Variants in CEP164 observed in about 807,000 individuals in gnomAD.
The protein encoded by CEP164 is centrosomal protein of 164 kDa.
In CEP164, 162 loss-of-function variants were observed where a neutral mutation model predicts 182.7. That is an observed-to-expected ratio of 0.89 (90% CI 0.78 to 1.01). The LOEUF (loss-of-function observed/expected upper bound fraction) is 1.01. Ranked by LOEUF, CEP164 falls within the 50% of genes least tolerant of loss-of-function variation. The probability of loss-of-function intolerance (pLI) is 0.00; values close to 1 mark genes in which losing one functional copy is unlikely to be tolerated. For missense variants in CEP164, 1,735 were observed against 1,790.4 expected (o/e 0.97, Z 0.56); for synonymous variants, 661 against 690.0 (o/e 0.96, Z 0.66).
Position 117,394,812 on chromosome 11 carries a change from C to T in CEP164, c.2761-108C>T. On this transcript the variant is annotated intron_variant, in intron 21 of 32. Coordinates refer to ENST00000278935, the MANE Select transcript of CEP164 (RefSeq NM_014956.5). This position sits in a 1 kb window ranked among gnomAD's most constrained non-coding sequence, Gnocchi z 4.0. ...GGGGCACACAGCGAGGAAGCCTGAG[C>T]CCAGAGTGGAGGTTGTGGTGTGGCA... The T allele has an allele frequency of 8.8e-7, 1 of 1,137,930 alleles. No individual in the cohort carries two copies. Among genetic ancestry groups the T allele is most frequent in the Non-Finnish European group, 1.3e-6 (1 of 768,596 alleles). 70.5% of individuals were successfully genotyped at this position (1,137,930 alleles called of 1,614,324 possible).
intron 11 of CEP164, among the ~76,000 whole-genome samples, chr11:117,378,767 C>A (rs1408847685): frequency 6.6e-6 from 1 of 152,166 alleles, no homozygotes; most frequent in Non-Finnish European, 1.5e-5. Flanking sequence ...CCGAGGATCC[C>A]CTTTTCTCTG....
intron 13 of CEP164, 103 bp downstream of exon 13, chr11:117,381,971 C>A: frequency 2.1e-5 from 8 of 387,224 alleles, no homozygotes; most frequent in Non-Finnish European, 2.0e-5. Context: ...GTGGGGTTGG[C>A]TTGGGGAGGG....
chr11:117,369,094 A>G (rs1340523356), intron 8 of CEP164, among the ~76,000 whole-genome samples: 1 of 152,244 alleles, frequency 6.6e-6, no homozygotes, highest in African/African-American at 2.4e-5. Flanking sequence ...CCTTGAGGGC[A>G]GGATCTATGG....
At chr11:117,333,883 T>C (rs1184878831) in intron 1 of CEP164, among the ~76,000 whole-genome samples, 1 of 152,212 alleles carries the variant, frequency 6.6e-6, no homozygotes, top group Admixed American at 6.5e-5. Context: ...TGGCTCCCAC[T>C]GGCCTCCCCA....
At chr11:117,346,842 G>A (rs1005644613) in intron 4 of CEP164, among the ~76,000 whole-genome samples, 16 of 151,876 alleles carry the variant, frequency 1.1e-4, no homozygotes, top group African/African-American at 3.6e-4. Flanking sequence ...TCAGCCTGGG[G>A]GACAGAGAGA....
intron 5 of CEP164, among the ~76,000 whole-genome samples, chr11:117,357,221 C>T (rs2040407973): frequency 6.6e-6 from 1 of 151,610 alleles, no homozygotes; most frequent in Non-Finnish European, 1.5e-5. Flanking sequence ...ATTTTCGTGC[C>T]TCAGCCCCTC....
chr11:117,370,377 G>A (rs531898628), intron 8 of CEP164, among the ~76,000 whole-genome samples: 1 of 152,350 alleles, frequency 6.6e-6, no homozygotes, highest in African/African-American at 2.4e-5. Context: ...GTCACATGAT[G>A]TTCCATCATC....
rs1304094391 is a variant in CEP164 at position 117,409,071 on chromosome 11, A to T, written c.3748+43A>T. On this transcript the variant is annotated intron_variant, in intron 29 of 32. Coordinates refer to ENST00000278935, the MANE Select transcript of CEP164 (RefSeq NM_014956.5). This position sits in a 1 kb window ranked among gnomAD's most constrained non-coding sequence, Gnocchi z 4.4. ...GGGGTGAGGACCATGGTATCCATGG[A>T]ATGGGAGGAACTTGGGGAATAGAAG... 1 of 1,611,878 alleles carries T rather than the reference A, an allele frequency of 6.2e-7. No individual in the cohort carries two copies. The highest frequency in any genetic ancestry group is 1.1e-5 in the South Asian group (1 of 90,926).
chr11:117,335,988 CT>C (rs1472999319), intron 2 of CEP164, among the ~76,000 whole-genome samples: 3 of 151,888 alleles, frequency 2.0e-5, no homozygotes, highest in African/African-American at 7.3e-5. Flanking sequence ...CATTAGCTAT[CT>C]GATCTATCCA....
At chr11:117,336,099 G>C (rs1450317315) in intron 2 of CEP164, among the ~76,000 whole-genome samples, 6 of 151,930 alleles carry the variant, frequency 3.9e-5, no homozygotes, top group Non-Finnish European at 7.4e-5. Context: ...GGGTGGGGTG[G>C]GGGGAGCACA....
Position 117,394,352 on chromosome 11 carries a change from G to A in CEP164, c.2619G>A (p.Glu873=). The A allele has an allele frequency of 6.3e-7, 1 of 1,596,912 alleles. No individual in the cohort carries two copies. The highest frequency in any genetic ancestry group is 8.5e-7 in the Non-Finnish European group (1 of 1,172,144). ...AKAREQYEAE[E]RKQRAELLGH... is the part of the protein sequence containing the mutation. ...CGGTGGGCCCACCCTCCTTGCAGGA[G>A]AGGAAGCAGCGGGCTGAGCTTCTGG... The change falls in exon 21 of 33, where the codon GAG becomes GAA. Residue 873 remains glutamate, a splice_region_variant and synonymous_variant. Coordinates refer to ENST00000278935, the MANE Select transcript of CEP164 (RefSeq NM_014956.5). This position sits in a 1 kb window ranked among gnomAD's most constrained non-coding sequence, Gnocchi z 4.0.
chr11:117,354,098 C>T (rs989929821), intron 5 of CEP164, among the ~76,000 whole-genome samples: 2 of 151,646 alleles, frequency 1.3e-5, no homozygotes, highest in Non-Finnish European at 2.9e-5. Context: ...ATCACTGCAA[C>T]CTCCGCCCCC....
chr11:117,379,909 G>T (rs1285948787), intron 11 of CEP164, among the ~76,000 whole-genome samples: 6 of 134,772 alleles, frequency 4.5e-5, no homozygotes, highest in Non-Finnish European at 7.7e-5. Flanking sequence ...AGTCACCCAA[G>T]CTTTAAAATG....
chr11:117,361,272 T>C (rs1432881468), intron 5 of CEP164, among the ~76,000 whole-genome samples: 2 of 136,464 alleles, frequency 1.5e-5, no homozygotes, highest in Admixed American at 7.4e-5. Context: ...GACAGAGTCT[T>C]GCTCTGTCAC....
intron 5 of CEP164, chr11:117,355,999 G>GAGC (rs6144525): frequency 1.2e-4 from 139 of 1,122,538 alleles, no homozygotes; most frequent in South Asian, 1.7e-4. Context: ...CTGACTTGGA[G>GAGC]AGCAGCAGCA....
At chr11:117,370,600 C>T (rs1170625442) in intron 8 of CEP164, among the ~76,000 whole-genome samples, 1 of 152,102 alleles carries the variant, frequency 6.6e-6, no homozygotes, top group African/African-American at 2.4e-5. Flanking sequence ...GGGGTGGAGT[C>T]AGGAATCTGT....
At chr11:117,359,534 G>A (rs1018039321) in intron 5 of CEP164, 25 of 985,268 alleles carry the variant, frequency 2.5e-5, no homozygotes, top group African/African-American at 5.2e-5. Context: ...CCCACCCACC[G>A]GTCTGGCCCC....
intron 5 of CEP164, chr11:117,356,635 C>T (rs1247608257): frequency 1.6e-6 from 2 of 1,276,276 alleles, no homozygotes; most frequent in Admixed American, 2.4e-5. Flanking sequence ...TCTTAGTGAG[C>T]ATGGCCTAAA....
intron 11 of CEP164, among the ~76,000 whole-genome samples, chr11:117,377,645 C>T (rs2042897198): frequency 2.0e-5 from 3 of 152,208 alleles, no homozygotes; most frequent in Admixed American, 2.0e-4. Flanking sequence ...ATGTCTCTCT[C>T]AAGGGCAGGA....
Sources: gnomAD v4.1 joint callset for allele counts (sites outside exome capture counted in the v4.1 genomes callset) on GRCh38, gnomAD v4.1.1 for gene constraint, Gnocchi (gnomAD v3.1) non-coding constraint, MANE v1.5 for transcripts, NCBI Gene and HGNC (gene_info 2026-07-23, HGNC 2026-07-21) for gene names.